The following CYBRD1 variants were observed in gnomAD, a reference collection of about 807,000 sequenced individuals.
The protein encoded by CYBRD1 is plasma membrane ascorbate-dependent reductase CYBRD1.
A neutral mutation model predicts 21.9 loss-of-function variants in CYBRD1; 14 were observed. The ratio of observed to expected loss-of-function variants is 0.64; its 90% CI spans 0.42 to 1.00. CYBRD1 has a LOEUF of 1.00. CYBRD1 is among the 50% of genes least tolerant of loss of function. The pLI is 0.00. For synonymous variants in CYBRD1, 146 were observed against 136.5 expected, an observed-to-expected ratio of 1.07 and a Z score of -0.48; for missense variants, 328 against 352.5, an observed-to-expected ratio of 0.93 and a Z score of 0.56.
In CYBRD1 at chr2:171,522,501, T is replaced by C; in HGVS notation, c.-45T>C. ...CACTACCCAGAGGGCTGCCGCCGCCTCTCCAAGTTCTTGTGGCCCCCGCGG... is the reference window on the plus strand; with the variant it reads ...CACTACCCAGAGGGCTGCCGCCGCCCCTCCAAGTTCTTGTGGCCCCCGCGG... On this transcript the variant is annotated 5_prime_UTR_variant, in exon 1 of 4. Transcript: ENST00000321348. The surrounding 1 kb of genome is among the most constrained non-coding windows in gnomAD (Gnocchi z 4.3). The C allele has an allele frequency of 1.3e-6, 2 of 1,559,816 alleles. No individual in the cohort carries two copies. The highest frequency in any genetic ancestry group is 1.3e-5 in the African/African-American group (1 of 74,090).
chr2:171,545,782 A>G (rs13008611), intron 2 of CYBRD1, among the ~76,000 whole-genome samples: 1 of 152,048 alleles, frequency 6.6e-6, no homozygotes, highest in African/African-American at 2.4e-5. Context: ...TGGGTAATGA[A>G]CAAATCAGGG....
At chr2:171,543,714 CT>C (rs1329208225) in intron 2 of CYBRD1, among the ~76,000 whole-genome samples, 1 of 151,840 alleles carries the variant, frequency 6.6e-6, no homozygotes, top group Admixed American at 6.6e-5. Flanking sequence ...TTAAATGAAA[CT>C]TTTTTTAAAA....
rs1447410326 is a variant in CYBRD1 at position 171,522,821 on chromosome 2, G to T, written c.193+83G>T. On this transcript the variant is annotated intron_variant, in intron 1 of 3. Coordinates refer to ENST00000321348, the MANE Select transcript of CYBRD1 (RefSeq NM_024843.4). This position sits in a 1 kb window ranked among gnomAD's most constrained non-coding sequence, Gnocchi z 4.3. Reference sequence around the variant, plus strand: ...AGGGTCCTCCGTGAAGCCCCTTCCAGCTGAGGAAGTGCTGGAGGATCGCGG... The same window carrying T: ...AGGGTCCTCCGTGAAGCCCCTTCCATCTGAGGAAGTGCTGGAGGATCGCGG... 6.3e-7 allele frequency: 1 copy of T among 1,587,390 alleles called. No individual in the cohort carries two copies. The highest frequency in any genetic ancestry group is 8.6e-7 in the Non-Finnish European group (1 of 1,166,880).
chr2:171,538,409 G>A (rs1697576893), intron 1 of CYBRD1, among the ~76,000 whole-genome samples: 1 of 152,150 alleles, frequency 6.6e-6, no homozygotes, highest in Non-Finnish European at 1.5e-5. Flanking sequence ...GGGTGAGAGG[G>A]GGCCTTGAGT....
intron 2 of CYBRD1, among the ~76,000 whole-genome samples, chr2:171,548,796 A>T (rs1382593877): frequency 6.6e-6 from 1 of 151,410 alleles, no homozygotes; most frequent in African/African-American, 2.4e-5. Flanking sequence ...AAAACAAAAG[A>T]AAAGAAAAAA....
At chr2:171,533,983 G>T (rs1477340141) in intron 1 of CYBRD1, among the ~76,000 whole-genome samples, 2 of 152,098 alleles carry the variant, frequency 1.3e-5, no homozygotes, top group Non-Finnish European at 2.9e-5. Flanking sequence ...TGGGATTACA[G>T]GCGTGAGCCA....
At chr2:171,546,624 C>T (rs1697719663) in intron 2 of CYBRD1, among the ~76,000 whole-genome samples, 1 of 152,118 alleles carries the variant, frequency 6.6e-6, no homozygotes, top group Non-Finnish European at 1.5e-5. Flanking sequence ...AATGTGGGCT[C>T]AAAGAGACAT....
chr2:171,538,352 T>C (rs1374664692), intron 1 of CYBRD1, among the ~76,000 whole-genome samples: 1 of 152,118 alleles, frequency 6.6e-6, no homozygotes, highest in Non-Finnish European at 1.5e-5. Flanking sequence ...GGGGATACAG[T>C]GGAGAACCAG....
Position 171,541,592 on chromosome 2 carries a change from C to T in CYBRD1, c.201C>T (p.Ile67=), listed in dbSNP as rs1697632192. The change falls in exon 2 of 4, where the codon ATC becomes ATT. Residue 67 remains isoleucine, a synonymous_variant. Coordinates refer to ENST00000321348, the MANE Select transcript of CYBRD1 (RefSeq NM_024843.4). ...CCTTTCGTCTTTCCCTAGCCATCAT[C>T]GTCTACAGACTGCCGTGGACCTGGA... The part of the protein sequence containing the change: ...GFVFIQGIAI[I]VYRLPWTWKC... 2 of 1,613,820 alleles carry T rather than the reference C, an allele frequency of 1.2e-6. No homozygotes were observed. Among genetic ancestry groups the T allele is most frequent in the South Asian group, 1.1e-5 (1 of 91,066 alleles).
rs78563416 is a variant in CYBRD1, at chr2:171,538,371, A to G, written c.194-3214A>G. ...ATACAGTGGAGAACCAGCAAGACACATTAACGCCCTCAGAGAAGATGAAGT... is the reference window on the plus strand; with the variant it reads ...ATACAGTGGAGAACCAGCAAGACACGTTAACGCCCTCAGAGAAGATGAAGT... On this transcript the variant is annotated intron_variant, in intron 1 of 3. Transcript: ENST00000321348. 9.0e-3 allele frequency among the ~76,000 whole-genome samples: 1,365 copies of G among 152,292 alleles called. 20 individuals carry two copies. Among genetic ancestry groups the G allele is most frequent in the African/African-American group, 0.028 (1,145 of 41,576 alleles).
chr2:171,529,765 T>G (rs1057497479), intron 1 of CYBRD1, among the ~76,000 whole-genome samples: 1 of 152,078 alleles, frequency 6.6e-6, no homozygotes, highest in African/African-American at 2.4e-5. Context: ...GATCAGAGCT[T>G]AAAGTCCCCT....
At chr2:171,541,856 C>CT in intron 2 of CYBRD1, 63 bp downstream of exon 2, 5 of 870,334 alleles carry the variant, frequency 5.7e-6, no homozygotes, top group Admixed American at 2.7e-5. Flanking sequence ...TAAATGTTTT[C>CT]TTTTCTTTTT....
intron 2 of CYBRD1, among the ~76,000 whole-genome samples, chr2:171,548,203 G>A (rs1192829684): frequency 2.0e-5 from 3 of 152,056 alleles, no homozygotes; most frequent in African/African-American, 4.8e-5. Flanking sequence ...CTAAGACAGC[G>A]TTTGGTCCCT....
In CYBRD1 at chr2:171,550,983, G is replaced by T. The variant is rs1033244925; in HGVS notation, c.403-2363G>T. On this transcript the variant is annotated intron_variant, in intron 2 of 3. Coordinates refer to ENST00000321348, the MANE Select transcript of CYBRD1 (RefSeq NM_024843.4). Reference sequence around the variant, plus strand: ...TTTTCTTTTTTCTTTCTTAGACAGGGTCTCACTCTGTCACCCAGGCTGGAG... The same window carrying T: ...TTTTCTTTTTTCTTTCTTAGACAGGTTCTCACTCTGTCACCCAGGCTGGAG... 5.3e-5 allele frequency: 12 copies of T among 227,704 alleles called. No individual in the cohort carries two copies. The East Asian group carries it at 6.1e-4, about 12-fold the overall frequency. 14.1% of individuals were successfully genotyped at this position (227,704 alleles called of 1,614,324 possible). A position where few individuals can be genotyped will look rare whatever the true frequency, so the allele number is the denominator to read the frequency against.
At chr2:171,541,545 C>T in intron 1 of CYBRD1, 40 bp from the exon 2 acceptor site, 1 of 1,593,126 alleles carries the variant, frequency 6.3e-7, no homozygotes, top group Non-Finnish European at 8.6e-7. Flanking sequence ...GTTTAAAAAA[C>T]AAAACAAAAC....
chr2:171,522,454 C>T, upstream of CYBRD1: 1 of 1,533,790 alleles, frequency 6.5e-7, no homozygotes, highest in Non-Finnish European at 8.8e-7. This position sits in a 1 kb window ranked among gnomAD's most constrained non-coding sequence, Gnocchi z 4.3. Flanking sequence ...AAGAAGTCGA[C>T]GCCCCGGTCC....
At chr2:171,523,121 G>T (rs951264866) in intron 1 of CYBRD1, 2 of 326,260 alleles carry the variant, frequency 6.1e-6, no homozygotes, top group East Asian at 2.3e-4. Flanking sequence ...CCGCGCAGTC[G>T]GGCCGCTGCA....
rs531310969 is a variant in CYBRD1, at chr2:171,556,833, A to G, written c.*2006A>G. 2.6e-5 allele frequency: 4 copies of G among 152,342 alleles called. No homozygotes were observed. The East Asian group carries it at 7.7e-4, about 29-fold the overall frequency. The allele number at this position is 152,342 out of a possible 1,614,324, so 9.4% of individuals were successfully genotyped here. A position where few individuals can be genotyped will look rare whatever the true frequency, so the allele number is the denominator to read the frequency against. On this transcript the variant is annotated 3_prime_UTR_variant, in exon 4 of 4. Coordinates refer to ENST00000321348, the MANE Select transcript of CYBRD1 (RefSeq NM_024843.4). ...CCATAGAAGGAGTAGTTGCATAGTC[A>G]CACATCATTTGATAAGTTGGATGTT... is the stretch of plus-strand genomic sequence containing the variant.
At chr2:171,545,241 A>G (rs1277617828) in intron 2 of CYBRD1, among the ~76,000 whole-genome samples, 1 of 151,950 alleles carries the variant, frequency 6.6e-6, no homozygotes, top group African/African-American at 2.4e-5. Context: ...TGCTTCTAAT[A>G]TTTTACCATT....
Sources: allele counts gnomAD v4.1 joint callset (sites outside exome capture counted in the v4.1 genomes callset), GRCh38; gene constraint gnomAD v4.1.1; non-coding constraint Gnocchi (gnomAD v3.1); transcripts MANE v1.5; gene names NCBI Gene and HGNC (gene_info 2026-07-23, HGNC 2026-07-21).